Variants in NFIA observed in about 807,000 individuals in gnomAD.
The protein encoded by NFIA is nuclear factor 1 A-type.
NFIA carries 8 observed loss-of-function variants against 62.8 expected under a neutral mutation model. The observed-to-expected ratio is 0.13, with a 90% confidence interval of 0.07 to 0.23. The LOEUF is 0.23. Among genes scored for constraint, NFIA ranks in the 10% least tolerant of loss-of-function variants. NFIA has a pLI of 1.00. For synonymous variants in NFIA, 235 were observed against 238.1 expected (o/e 0.99, Z 0.12); for missense variants, 410 against 642.1 (o/e 0.64, Z 3.91).
intron 4 of NFIA, among the ~76,000 whole-genome samples, chr1:61,334,511 G>A (rs1482685598): frequency 7.1e-6 from 1 of 141,012 alleles, no homozygotes; most frequent in Non-Finnish European, 1.5e-5. Context: ...CCGTAATATG[G>A]GGAGTATTTG....
chr1:61,339,221 G>A (rs1661773904), intron 4 of NFIA, among the ~76,000 whole-genome samples: 1 of 152,152 alleles, frequency 6.6e-6, no homozygotes, highest in Non-Finnish European at 1.5e-5. Context: ...ATTTTAAAAT[G>A]AACGTCACAC....
At chr1:61,313,971 T>C (rs1303134453) in intron 3 of NFIA, among the ~76,000 whole-genome samples, 1 of 152,210 alleles carries the variant, frequency 6.6e-6, no homozygotes, top group Admixed American at 6.5e-5. Context: ...ACCTACCTCA[T>C]AACACTTTGA....
chr1:61,105,846 G>A (rs1275311987), intron 2 of NFIA, among the ~76,000 whole-genome samples: 1 of 151,772 alleles, frequency 6.6e-6, no homozygotes, highest in East Asian at 1.9e-4. Context: ...TTGCATATCT[G>A]TGCACCTACA....
intron 4 of NFIA, among the ~76,000 whole-genome samples, chr1:61,342,844 T>C (rs1662002520): frequency 6.6e-6 from 1 of 152,258 alleles, no homozygotes; most frequent in Non-Finnish European, 1.5e-5. Context: ...CAAGCCCTTC[T>C]TCTGTCACTT....
intron 2 of NFIA, among the ~76,000 whole-genome samples, chr1:61,090,432 G>A (rs1275278648): frequency 1.3e-5 from 2 of 152,022 alleles, no homozygotes; most frequent in East Asian, 3.9e-4. Flanking sequence ...AGTTTTTGTC[G>A]GTGTAAGCAG....
chr1:61,218,107 C>G (rs970297857), intron 2 of NFIA, among the ~76,000 whole-genome samples: 6 of 152,084 alleles, frequency 3.9e-5, no homozygotes, highest in African/African-American at 1.4e-4. Flanking sequence ...ACATTTTTAC[C>G]ATATTGTTGC....
intron 2 of NFIA, among the ~76,000 whole-genome samples, chr1:61,252,841 C>A: frequency 6.6e-6 from 1 of 152,170 alleles, no homozygotes; most frequent in East Asian, 1.9e-4. Context: ...ATTAACCAAT[C>A]AACAACTGGC....
chr1:61,255,055 A>G (rs1193215918), intron 2 of NFIA, among the ~76,000 whole-genome samples: 1 of 152,124 alleles, frequency 6.6e-6, no homozygotes, highest in Non-Finnish European at 1.5e-5. Flanking sequence ...GAGGCTGTAT[A>G]TTTCATTAGA....
At chr1:61,083,935 A>G (rs902540922) in intron 1 of NFIA, among the ~76,000 whole-genome samples, 21 of 151,154 alleles carry the variant, frequency 1.4e-4, no homozygotes, top group African/African-American at 5.1e-4. Context: ...ACCCCCAGGC[A>G]AAATATTGCT....
chr1:61,137,976 G>T (rs553549368), intron 2 of NFIA, among the ~76,000 whole-genome samples: 1 of 150,242 alleles, frequency 6.7e-6, no homozygotes, highest in Non-Finnish European at 1.5e-5. Context: ...TCTATTGAAG[G>T]AGGCCAAATT....
chr1:61,236,411 T>A (rs1019855772), intron 2 of NFIA, among the ~76,000 whole-genome samples: 2 of 152,286 alleles, frequency 1.3e-5, no homozygotes, highest in Middle Eastern at 3.4e-3. Flanking sequence ...TTAAGGCAGG[T>A]GTTTTATATA....
At chr1:61,103,052 A>G (rs372742828) in intron 2 of NFIA, among the ~76,000 whole-genome samples, 1 of 152,202 alleles carries the variant, frequency 6.6e-6, no homozygotes, top group Non-Finnish European at 1.5e-5. Flanking sequence ...CAATATTTCA[A>G]TAAGGGTAAG....
chr1:61,225,510 A>G (rs376022996), intron 2 of NFIA, among the ~76,000 whole-genome samples: 11 of 151,204 alleles, frequency 7.3e-5, no homozygotes, highest in South Asian at 2.1e-4. Context: ...CGGCCTCCCA[A>G]AGTGCTGGCA....
intron 2 of NFIA, among the ~76,000 whole-genome samples, chr1:61,164,439 G>T (rs1649427029): frequency 6.6e-6 from 1 of 151,604 alleles, no homozygotes; most frequent in Admixed American, 6.6e-5. Flanking sequence ...TCTTTTTTTT[G>T]TTGTTATGTG....
chr1:61,159,680 CTTTTT>C (rs11300026), intron 2 of NFIA, among the ~76,000 whole-genome samples: 2 of 85,848 alleles, frequency 2.3e-5, no homozygotes, highest in African/African-American at 3.9e-5. Context: ...AATGTAGATG[CTTTTT>C]TTTTTTTTTT....
chr1:61,173,257 T>C (rs904169499), intron 2 of NFIA, among the ~76,000 whole-genome samples: 1 of 152,012 alleles, frequency 6.6e-6, no homozygotes, highest in African/African-American at 2.4e-5. Context: ...TCTGAGAGAG[T>C]CACATTGGCT....
Position 61,460,249 on chromosome 1 carries a change from G to A in NFIA, c.*4929G>A, listed in dbSNP as rs754715872. ...AAGGCTGTGCATTCGTCTAATTAGC[G>A]TCGTGTATGTTTTCCTTTTATTTTT... On this transcript the variant is annotated 3_prime_UTR_variant, in exon 11 of 11. Transcript: ENST00000403491. The A allele has an allele frequency of 1.2e-4, 18 of 152,172 alleles. No homozygotes were observed. The highest frequency in any genetic ancestry group is 2.0e-4 in the Admixed American group (3 of 15,278). The allele number at this position is 152,172 out of a possible 1,614,324, so 9.4% of individuals were successfully genotyped here.
intron 7 of NFIA, among the ~76,000 whole-genome samples, chr1:61,387,234 T>C (rs1433337642): frequency 6.6e-6 from 1 of 152,076 alleles, no homozygotes; most frequent in African/African-American, 2.4e-5. Context: ...GAACCAAAGG[T>C]TTCTCATCTC....
chr1:61,370,654 C>G (rs1663834227), intron 6 of NFIA, among the ~76,000 whole-genome samples: 1 of 152,066 alleles, frequency 6.6e-6, no homozygotes. Flanking sequence ...GTTCTTGATT[C>G]TCTGGTCTTT....
Sources: gnomAD v4.1 joint callset for allele counts (sites outside exome capture counted in the v4.1 genomes callset) on GRCh38, gnomAD v4.1.1 for gene constraint, MANE v1.5 for transcripts, NCBI Gene and HGNC (gene_info 2026-07-23, HGNC 2026-07-21) for gene names.